The following ZNF75A variants were observed in gnomAD, a reference collection of about 807,000 sequenced individuals.
ZNF75A encodes the protein zinc finger protein 75A.
ZNF75A carries 36 observed loss-of-function variants against 46.3 expected under a neutral mutation model. The observed-to-expected ratio is 0.78, with a 90% CI of 0.60 to 1.03. The LOEUF (loss-of-function observed/expected upper bound fraction) is 1.03. ZNF75A is among the 50% of genes least tolerant of loss of function. The pLI is 0.00. For synonymous variants in ZNF75A, 234 were observed against 189.9 expected (o/e 1.23, Z -1.91); for missense variants, 595 against 551.3 (o/e 1.08, Z -0.79).
downstream of ZNF75A, chr16:3,318,895 T>TCTGTC (rs1055139159): frequency 1.1e-6 from 1 of 942,450 alleles, no homozygotes; most frequent in Non-Finnish European, 1.3e-6. Flanking sequence ...TCCATGTTGT[T>TCTGTC]CTGTCCTGTC....
intron 1 of ZNF75A, chr16:3,307,897 C>G (rs544941261): frequency 8.5e-5 from 13 of 152,204 alleles, no homozygotes; most frequent in African/African-American, 3.1e-4. Context: ...GTTGTACTCC[C>G]CTTACTAGAG....
downstream of ZNF75A, among the ~76,000 whole-genome samples, chr16:3,319,570 A>G (rs1423890916): frequency 6.6e-6 from 1 of 152,088 alleles, no homozygotes; most frequent in African/African-American, 2.4e-5. Context: ...ATTCTGTTCA[A>G]TTTAATGAAG....
intron 2 of ZNF75A, 72 bp downstream of exon 2, chr16:3,308,908 A>C (rs960681689): frequency 3.2e-6 from 3 of 936,874 alleles, no homozygotes; most frequent in African/African-American, 1.8e-5. Flanking sequence ...GGTGGCAGTT[A>C]GTTGAGAAAT....
chr16:3,315,901 G>A (rs886389285), intron 5 of ZNF75A: 6 of 152,152 alleles, frequency 3.9e-5, no homozygotes, highest in Non-Finnish European at 4.4e-5. Context: ...CTACTGGTGC[G>A]CTTGTGCACT....
At chr16:3,310,921 A>G (rs914875646) in intron 2 of ZNF75A, 13 of 985,400 alleles carry the variant, frequency 1.3e-5, no homozygotes, top group Non-Finnish European at 1.6e-5. Flanking sequence ...GGCAGGACCT[A>G]TGTTTGGTGT....
At chr16:3,309,340 C>CG (rs1241711786) in intron 2 of ZNF75A, 4 of 151,396 alleles carry the variant, frequency 2.6e-5, no homozygotes, top group Non-Finnish European at 5.9e-5. Flanking sequence ...CCTGTAATCC[C>CG]GGCTATCCTC....
At chr16:3,316,364 ATTTC>A (rs1961204226) in intron 5 of ZNF75A, 1 of 152,242 alleles carries the variant, frequency 6.6e-6, no homozygotes, top group Non-Finnish European at 1.5e-5. Flanking sequence ...ATTTTGGTCT[ATTTC>A]TTCTACCTGC....
At chr16:3,309,192 C>G (rs1442918559) in intron 2 of ZNF75A, 5 of 152,340 alleles carry the variant, frequency 3.3e-5, no homozygotes, top group African/African-American at 1.2e-4. Context: ...TGCAGTGGCT[C>G]ACACCTGTAA....
intron 1 of ZNF75A, chr16:3,307,781 C>A (rs1186926497): frequency 1.3e-5 from 2 of 151,472 alleles, no homozygotes; most frequent in African/African-American, 2.4e-5. Flanking sequence ...CCTCCCACCT[C>A]GGTCTCCAAA....
chr16:3,314,557 A>T (rs907085619), intron 5 of ZNF75A, among the ~76,000 whole-genome samples: 1 of 152,046 alleles, frequency 6.6e-6, no homozygotes, highest in Admixed American at 6.5e-5. Context: ...GGAACTGGGT[A>T]CCTCCTAGGC....
chr16:3,306,752 C>T (rs939229371), intron 1 of ZNF75A: 1 of 151,988 alleles, frequency 6.6e-6, no homozygotes, highest in Non-Finnish European at 1.5e-5. Context: ...CTGCATGGCA[C>T]CCTTTATGTG....
chr16:3,314,478 G>A (rs1383714330), intron 5 of ZNF75A, among the ~76,000 whole-genome samples: 1 of 152,148 alleles, frequency 6.6e-6, no homozygotes, highest in South Asian at 2.1e-4. Context: ...GACCCACACT[G>A]CCCAGCATGT....
chr16:3,311,696 C>T, intron 2 of ZNF75A, 57 bp from the exon 3 acceptor site: 1 of 964,020 alleles, frequency 1.0e-6, no homozygotes, highest in Non-Finnish European at 1.2e-6. Context: ...CGCTCTGCCT[C>T]CACCCCCACA....
downstream of ZNF75A, chr16:3,323,341 C>G: frequency 1.8e-6 from 2 of 1,109,768 alleles, no homozygotes; most frequent in African/African-American, 1.5e-5. Context: ...AAATGCTTCA[C>G]TGGGAGGCAA....
At chr16:3,315,352 C>T (rs1435125149) in intron 5 of ZNF75A, among the ~76,000 whole-genome samples, 2 of 151,994 alleles carry the variant, frequency 1.3e-5, no homozygotes, top group African/African-American at 4.8e-5. Flanking sequence ...CCACCATGCC[C>T]AGCTAATTTT....
At chr16:3,306,401 G>T (rs1297996082) in intron 1 of ZNF75A, 1 of 152,152 alleles carries the variant, frequency 6.6e-6, no homozygotes, top group Admixed American at 6.5e-5. Flanking sequence ...ATTTTCTCCA[G>T]ATCAAGTAAG....
At chr16:3,307,672 C>G (rs949526470) in intron 1 of ZNF75A, 1 of 149,164 alleles carries the variant, frequency 6.7e-6, no homozygotes, top group Non-Finnish European at 1.5e-5. Context: ...GCTCTACCAT[C>G]CTGGCTATTT....
intron 5 of ZNF75A, 150 bp downstream of exon 5, chr16:3,313,325 C>A: frequency 1.4e-6 from 1 of 731,942 alleles, no homozygotes; most frequent in Non-Finnish European, 2.2e-6. Flanking sequence ...GTATCCAGAT[C>A]ACCTGTGGAG....
At chr16:3,310,900 G>A in intron 2 of ZNF75A, 1 of 985,424 alleles carries the variant, frequency 1.0e-6, no homozygotes, top group African/African-American at 1.7e-5. Context: ...GGTCTGCTGG[G>A]AAGAATACAG....
Sources: allele counts gnomAD v4.1 joint callset (sites outside exome capture counted in the v4.1 genomes callset), GRCh38; gene constraint gnomAD v4.1.1; transcripts MANE v1.5; gene names NCBI Gene and HGNC (gene_info 2026-07-23, HGNC 2026-07-21).